Variants in SERPIND1 observed in about 807,000 individuals in gnomAD.
SERPIND1 encodes the protein heparin cofactor 2.
Under a neutral mutation model 35.0 loss-of-function variants are expected in SERPIND1, and 34 were observed. That is an observed-to-expected ratio of 0.97 (90% CI 0.74 to 1.29). The LOEUF (loss-of-function observed/expected upper bound fraction) is 1.29. Ranked by LOEUF, SERPIND1 falls within the 50% of genes most tolerant of loss-of-function variation. SERPIND1 has a pLI of 0.00. For synonymous variants in SERPIND1, 236 were observed against 241.1 expected (o/e 0.98, Z 0.19); for missense variants, 633 against 637.7 (o/e 0.99, Z 0.08).
At chr22:20,785,883 T>G (rs990531543) in intron 3 of SERPIND1, 121 bp from the exon 4 acceptor site, 4 of 1,379,658 alleles carry the variant, frequency 2.9e-6, no homozygotes, top group Admixed American at 3.4e-5. Flanking sequence ...AATATAAATT[T>G]TAATAAGTGC....
chr22:20,779,672 G>A lies in SERPIND1; in HGVS notation c.360G>A (p.Lys120=), dbSNP rs772369473. The change falls in exon 2 of 5, where the codon AAG becomes AAA. Residue 120 remains lysine (K), a synonymous_variant. Transcript: ENST00000215727. ...ACATCCTCCAGCTTTTTCATGGCAA[G>A]AGCCGGATCCAGCGTCTTAACATCC... ...AGNILQLFHG[K]SRIQRLNILN... The A allele has an allele frequency of 2.3e-5, 37 of 1,613,978 alleles. No individual in the cohort carries two copies. Among genetic ancestry groups the A allele is most frequent in the Admixed American group, 2.0e-4 (12 of 60,008 alleles).
chr22:20,779,297 C>T lies in SERPIND1; in HGVS notation c.-16C>T. 6.2e-7 allele frequency: 1 copy of T among 1,614,098 alleles called. No individual in the cohort carries two copies. The highest frequency in any genetic ancestry group is 8.5e-7 in the Non-Finnish European group (1 of 1,180,040). ...CACTGTGTTCTGTTTTCCCTCCCAGCTTTAGCTCCGCCAAAATGAAACACT... is the reference window on the plus strand; with the variant it reads ...CACTGTGTTCTGTTTTCCCTCCCAGTTTTAGCTCCGCCAAAATGAAACACT... On this transcript the variant is annotated splice_region_variant and 5_prime_UTR_variant, in exon 2 of 5. Coordinates refer to ENST00000215727, the MANE Select transcript of SERPIND1 (RefSeq NM_000185.4).
intron 3 of SERPIND1, among the ~76,000 whole-genome samples, chr22:20,785,667 C>T (rs110374): frequency 0.46 from 69,509 of 151,852 alleles, 16,497 homozygotes; most frequent in African/African-American, 0.57. Context: ...AAACCAAATG[C>T]CTAAAATTGG....
At chr22:20,783,435 TAAA>T (rs362069) in intron 2 of SERPIND1, among the ~76,000 whole-genome samples, 212 of 136,048 alleles carry the variant, frequency 1.6e-3, no homozygotes, top group African/African-American at 2.2e-3. Flanking sequence ...CATCTACAAT[TAAA>T]AAAAAAAAAA....
rs1344422193 is a variant in SERPIND1, at chr22:20,787,188, G to A, written c.*122G>A. The A allele has an allele frequency of 1.4e-5, 13 of 904,224 alleles. No homozygotes were observed. The Admixed American group carries it at 1.8e-4, about 12-fold the overall frequency. 56.0% of individuals were successfully genotyped at this position (904,224 alleles called of 1,614,324 possible). On this transcript the variant is annotated 3_prime_UTR_variant, in exon 5 of 5. Coordinates refer to ENST00000215727, the MANE Select transcript of SERPIND1 (RefSeq NM_000185.4). ...GTTTACGCTACCAATCTGAATTCGA[G>A]GCCCATATGAGAGGAGCTTAGAAAC... is the stretch of plus-strand genomic sequence containing the variant.
chr22:20,785,726 A>G (rs919496775), intron 3 of SERPIND1, among the ~76,000 whole-genome samples: 1 of 152,250 alleles, frequency 6.6e-6, no homozygotes, highest in African/African-American at 2.4e-5. Context: ...ACCATAAACC[A>G]GGAAAAGTTC....
Position 20,779,324 on chromosome 22 carries a change from AT to A in SERPIND1, c.14del (p.Leu5Ter). On this transcript the variant is annotated frameshift_variant, in exon 2 of 5. Coordinates refer to ENST00000215727, the MANE Select transcript of SERPIND1 (RefSeq NM_000185.4). LOFTEE classifies it high-confidence loss of function. Reference sequence around the variant, plus strand: ...TTAGCTCCGCCAAAATGAAACACTCATTAAACGCACTTCTCATTTTCCTCAT... The same window carrying A: ...TTAGCTCCGCCAAAATGAAACACTCATAAACGCACTTCTCATTTTCCTCAT... The part of the protein sequence containing the change: MKHS[L>X]NALLIFLIIT... 6.2e-7 allele frequency: 1 copy of A among 1,614,214 alleles called. No individual in the cohort carries two copies. Among genetic ancestry groups the A allele is most frequent in the East Asian group, 2.2e-5 (1 of 44,888 alleles).
At position 20,787,141 on chromosome 22, in the gene SERPIND1, A is replaced by ATCTC; in HGVS notation, c.*76_*77insCTCT. 1.8e-5 allele frequency: 24 copies of ATCTC among 1,300,726 alleles called. No individual in the cohort carries two copies. The highest frequency in any genetic ancestry group is 2.4e-5 in the Non-Finnish European group (22 of 899,250). 80.6% of individuals were successfully genotyped at this position (1,300,726 alleles called of 1,614,324 possible). A position where few individuals can be genotyped will look rare whatever the true frequency, so the allele number is the denominator to read the frequency against. On this transcript the variant is annotated 3_prime_UTR_variant, in exon 5 of 5. Transcript: ENST00000215727. Reference sequence around the variant, plus strand: ...TTCCATTCCAACAACGAGAACAGAGATGTTCTGGCATCATTTACGTAGTTT... The same window carrying ATCTC: ...TTCCATTCCAACAACGAGAACAGAGATCTCTGTTCTGGCATCATTTACGTAGTTT...
rs997738856 is a variant in SERPIND1, at chr22:20,786,051, A to G, written c.1211A>G (p.Asn404Ser). The change falls in exon 4 of 5, where the codon AAT becomes AGT. Residue 404 changes from asparagine to serine, a missense_variant. Coordinates refer to ENST00000215727, the MANE Select transcript of SERPIND1 (RefSeq NM_000185.4). ...AAATTCAAGCTGGAGAAGAACTACA[A>G]TCTAGTGGAGTCCCTGAAGTTGATG... The part of the protein sequence containing the change: ...LPKFKLEKNY[N>S]LVESLKLMGI... 1.1e-5 allele frequency: 18 copies of G among 1,614,084 alleles called. No individual in the cohort carries two copies. Among genetic ancestry groups the G allele is most frequent in the Admixed American group, 6.7e-5 (4 of 60,004 alleles).
chr22:20,777,841 A>G (rs770105548), intron 1 of SERPIND1, among the ~76,000 whole-genome samples: 8 of 152,222 alleles, frequency 5.3e-5, no homozygotes, highest in Non-Finnish European at 1.2e-4. Flanking sequence ...CAGATTTGAC[A>G]GGCCAAGTCA....
chr22:20,787,493 G>A lies in SERPIND1; in HGVS notation c.*427G>A. The A allele has an allele frequency of 3.2e-6, 1 of 308,868 alleles. No individual in the cohort carries two copies. Among genetic ancestry groups the A allele is most frequent in the South Asian group, 3.0e-5 (1 of 33,068 alleles). The allele number at this position is 308,868 out of a possible 1,614,324, so 19.1% of individuals were successfully genotyped here. A position where few individuals can be genotyped will look rare whatever the true frequency, so the allele number is the denominator to read the frequency against. On this transcript the variant is annotated 3_prime_UTR_variant, in exon 5 of 5. Transcript: ENST00000215727. ...TGACTAATTCCTTACCTCTCCCAAG[G>A]AGGGTACACAACTAGCACCATTCTT...
chr22:20,781,416 G>C (rs981557970), intron 2 of SERPIND1, among the ~76,000 whole-genome samples: 6 of 152,216 alleles, frequency 3.9e-5, no homozygotes, highest in Non-Finnish European at 7.3e-5. Flanking sequence ...TTGGAGGCCA[G>C]TGCTTTCTGC....
chr22:20,776,901 A>T (rs947084254), intron 1 of SERPIND1, among the ~76,000 whole-genome samples: 1 of 152,298 alleles, frequency 6.6e-6, no homozygotes, highest in South Asian at 2.1e-4. Flanking sequence ...AGGCCTACTG[A>T]GTTCAAATAT....
At position 20,779,449 on chromosome 22, in the gene SERPIND1, AT is replaced by A; in HGVS notation, c.138del (p.Asn46LysfsTer5). The A allele has an allele frequency of 1.2e-6, 2 of 1,614,196 alleles. No homozygotes were observed. Among genetic ancestry groups the A allele is most frequent in the Non-Finnish European group, 1.7e-6 (2 of 1,180,014 alleles). On this transcript the variant is annotated frameshift_variant, in exon 2 of 5. Coordinates refer to ENST00000215727, the MANE Select transcript of SERPIND1 (RefSeq NM_000185.4). LOFTEE classifies it high-confidence loss of function. Reference protein sequence around the residue: ...QSADPQWEQLNNKNLSMPLLP... With the variant: ...QSADPQWEQLXNKNLSMPLLP... ...GCAGATCCCCAGTGGGAGCAGTTAAATAACAAAAACCTGAGCATGCCTCTTC... is the reference window on the plus strand; with the variant it reads ...GCAGATCCCCAGTGGGAGCAGTTAAAAACAAAAACCTGAGCATGCCTCTTC...
chr22:20,776,464 T>A (rs1933287706), intron 1 of SERPIND1, among the ~76,000 whole-genome samples: 2 of 152,238 alleles, frequency 1.3e-5, no homozygotes, highest in African/African-American at 4.8e-5. Context: ...AATGTGACTT[T>A]CCTGCTCCAA....
chr22:20,785,067 C>CCTTTTTTTT (rs1555894633), intron 3 of SERPIND1, among the ~76,000 whole-genome samples: 2 of 134,452 alleles, frequency 1.5e-5, no homozygotes, highest in Non-Finnish European at 1.6e-5. Flanking sequence ...GGGACTGCAT[C>CCTTTTTTTT]TTTTTTTTTT....
In SERPIND1 at chr22:20,784,119, A is replaced by G; in HGVS notation, c.1037A>G (p.Gln346Arg). The G allele has an allele frequency of 6.2e-7, 1 of 1,614,188 alleles. No homozygotes were observed. Among genetic ancestry groups the G allele is most frequent in the Non-Finnish European group, 8.5e-7 (1 of 1,180,028 alleles). Residue 346 changes from glutamine to arginine, a missense_variant, in exon 3 of 5, where the codon CAG becomes CGG. Transcript: ENST00000215727. ...CAGGAGCTGGACTGCGACATCCTCC[A>G]GCTGGAATACGTGGGGGGCATCAGC... The part of the protein sequence containing the change: ...NDQELDCDIL[Q>R]LEYVGGISML...
Position 20,779,845 on chromosome 22 carries a change from A to T in SERPIND1, c.533A>T (p.His178Leu). 6.2e-7 allele frequency: 1 copy of T among 1,614,192 alleles called. No individual in the cohort carries two copies. The highest frequency in any genetic ancestry group is 1.1e-5 in the South Asian group (1 of 91,084). The change falls in exon 2 of 5, where the codon CAC (histidine) becomes CTC (leucine). Residue 178 changes from histidine (H) to leucine (L), a missense_variant. His to Leu is a moderately conservative substitution (Grantham distance 99). Transcript: ENST00000215727. ...AAGGGAGAGACCCATGAACAAGTGC[A>T]CTCGATTTTGCATTTTAAAGACTTT... ...GLKGETHEQVHSILHFKDFVN... is the reference protein window; with the variant it reads ...GLKGETHEQVLSILHFKDFVN...
intron 3 of SERPIND1, 114 bp from the exon 4 acceptor site, chr22:20,785,890 G>A (rs548758030): frequency 6.8e-5 from 96 of 1,403,686 alleles, no homozygotes; most frequent in Non-Finnish European, 8.9e-5. Context: ...ATTTTAATAA[G>A]TGCTATATCA....
Sources: gnomAD v4.1 joint callset for allele counts (sites outside exome capture counted in the v4.1 genomes callset) on GRCh38, gnomAD v4.1.1 for gene constraint, MANE v1.5 for transcripts, NCBI Gene and HGNC (gene_info 2026-07-23, HGNC 2026-07-21) for gene names.